The following NUP88 variants were observed in gnomAD, a reference collection of about 807,000 sequenced individuals.
NUP88 encodes the protein nucleoporin 88.
Under a neutral mutation model 93.9 loss-of-function variants are expected in NUP88, and 57 were observed. The ratio of observed to expected loss-of-function variants is 0.61; its 90% CI spans 0.49 to 0.76. The LOEUF is 0.76. Ranked by LOEUF, NUP88 falls within the 30% of genes least tolerant of loss-of-function variation. The probability of loss-of-function intolerance (pLI) is 0.00; values close to 1 mark genes in which losing one functional copy is unlikely to be tolerated. For missense variants in NUP88, 911 were observed against 901.0 expected (o/e 1.01, Z -0.14); for synonymous variants, 346 against 336.8 (o/e 1.03, Z -0.30).
chr17:5,416,180 T>TACACACACACAC (rs1555530301), intron 2 of NUP88, among the ~76,000 whole-genome samples: 20 of 107,338 alleles, frequency 1.9e-4, no homozygotes, highest in African/African-American at 7.2e-4. Context: ...TATATATATA[T>TACACACACACAC]ACACACATAC....
At chr17:5,388,088 C>G in intron 11 of NUP88, 184 bp from the exon 12 acceptor site, 1 of 474,582 alleles carries the variant, frequency 2.1e-6, no homozygotes, top group Non-Finnish European at 3.6e-6. Flanking sequence ...GCAACCTCCA[C>G]CTCCCAGGTT....
In NUP88 at chr17:5,391,695, G is replaced by A. The variant is rs1912447564; in HGVS notation, c.1383-33C>T. The A allele has an allele frequency of 2.6e-6, 4 of 1,555,380 alleles. No individual in the cohort carries two copies. The African/African-American group carries it at 5.4e-5, about 21-fold the overall frequency. ...AACACAGTCATAGTTAAATTACAAAGCAGCAAATGCAATGGAACCAAGAGC... is the reference window on the plus strand; with the variant it reads ...AACACAGTCATAGTTAAATTACAAAACAGCAAATGCAATGGAACCAAGAGC... On this transcript the variant is annotated intron_variant, in intron 9 of 16. Coordinates refer to ENST00000573584, the MANE Select transcript of NUP88 (RefSeq NM_002532.6).
Position 5,387,368 on chromosome 17 carries a change from G to T in NUP88, c.1916+18C>A. 4 of 1,601,902 alleles carry T rather than the reference G, an allele frequency of 2.5e-6. No individual in the cohort carries two copies. Among genetic ancestry groups the T allele is most frequent in the Non-Finnish European group, 2.6e-6 (3 of 1,169,168 alleles). On this transcript the variant is annotated intron_variant, in intron 14 of 16. Coordinates refer to ENST00000573584, the MANE Select transcript of NUP88 (RefSeq NM_002532.6). ...TTAGTACCTGACTAGGTAACTAAATGTTATACAGCCCACTGACCTGTTCAT... is the reference window on the plus strand; with the variant it reads ...TTAGTACCTGACTAGGTAACTAAATTTTATACAGCCCACTGACCTGTTCAT...
rs1163652958 is a variant in NUP88 at position 5,387,469 on chromosome 17, AATG to A, written c.1836-6_1836-4del. 2.5e-6 allele frequency: 4 copies of A among 1,614,016 alleles called. No homozygotes were observed. The highest frequency in any genetic ancestry group is 3.4e-6 in the Non-Finnish European group (4 of 1,179,886). On this transcript the variant is annotated splice_polypyrimidine_tract_variant and splice_region_variant and intron_variant, in intron 13 of 16. Transcript: ENST00000573584. ...CAGCCATTTCCCGCAGACTTTTCCT[AATG>A]ATGTAAGACACAAGAGACTCTTGAG...
At chr17:5,416,455 T>A in intron 2 of NUP88, 58 bp downstream of exon 2, 2 of 1,269,250 alleles carry the variant, frequency 1.6e-6, no homozygotes, top group Non-Finnish European at 2.2e-6. Context: ...GAACCACTAG[T>A]CTTGAACAAT....
intron 2 of NUP88, among the ~76,000 whole-genome samples, chr17:5,416,167 G>GTATATATATATA (rs377002927): frequency 2.1e-5 from 1 of 47,858 alleles, no homozygotes; most frequent in African/African-American, 8.4e-5. Context: ...AAAAAAAAAA[G>GTATATATATATA]TATATATATA....
chr17:5,390,624 G>A (rs1448397665), intron 10 of NUP88, among the ~76,000 whole-genome samples: 1 of 152,130 alleles, frequency 6.6e-6, no homozygotes, highest in Non-Finnish European at 1.5e-5. Flanking sequence ...ATCTTCCAGG[G>A]CTGTTGGAAA....
intron 7 of NUP88, among the ~76,000 whole-genome samples, chr17:5,402,419 G>GC (rs1206916256): frequency 6.6e-6 from 1 of 152,180 alleles, no homozygotes; most frequent in Non-Finnish European, 1.5e-5. Context: ...AAACCAATTA[G>GC]TTTATGTCAC....
At chr17:5,394,378 ATG>A (rs1170207277) in intron 9 of NUP88, among the ~76,000 whole-genome samples, 1 of 152,184 alleles carries the variant, frequency 6.6e-6, no homozygotes, top group Admixed American at 6.5e-5. Flanking sequence ...GCCAAGGAGA[ATG>A]TGTTTCAAAG....
intron 9 of NUP88, among the ~76,000 whole-genome samples, chr17:5,394,580 G>C (rs1006600802): frequency 6.6e-6 from 1 of 152,208 alleles, no homozygotes; most frequent in African/African-American, 2.4e-5. Flanking sequence ...GGGGAGTCAA[G>C]GGTGTTCTCT....
At chr17:5,398,557 C>T (rs1567569879) in intron 8 of NUP88, among the ~76,000 whole-genome samples, 1 of 151,460 alleles carries the variant, frequency 6.6e-6, no homozygotes. Flanking sequence ...TCCCAAAGTG[C>T]TGGGATTACA....
At chr17:5,389,488 G>A (rs1032040876) in intron 10 of NUP88, among the ~76,000 whole-genome samples, 2 of 152,078 alleles carry the variant, frequency 1.3e-5, no homozygotes, top group African/African-American at 4.8e-5. Flanking sequence ...ATTCTAACGT[G>A]AATGTTTGGT....
At position 5,387,394 on chromosome 17, in the gene NUP88, G is replaced by C; in HGVS notation, c.1908C>G (p.Ile636Met). 1 of 1,613,550 alleles carries C rather than the reference G, an allele frequency of 6.2e-7. No homozygotes were observed. The highest frequency in any genetic ancestry group is 8.5e-7 in the Non-Finnish European group (1 of 1,179,472). Reference sequence around the variant, plus strand: ...TTATACAGCCCACTGACCTGTTCATGATATCCTCTTGTTTTTCTTTAGCTT... The same window carrying C: ...TTATACAGCCCACTGACCTGTTCATCATATCCTCTTGTTTTTCTTTAGCTT... ...YEEAKEKQED[I>M]MNRMKKLLHS... is the part of the protein sequence containing the mutation. Residue 636 changes from isoleucine (I) to methionine (M), a missense_variant, in exon 14 of 17, where the codon ATC becomes ATG. Coordinates refer to ENST00000573584, the MANE Select transcript of NUP88 (RefSeq NM_002532.6).
intron 13 of NUP88, 46 bp from the exon 14 acceptor site, chr17:5,387,512 G>A: frequency 6.3e-7 from 1 of 1,599,928 alleles, no homozygotes; most frequent in Non-Finnish European, 8.6e-7. Context: ...ACCCCTTGAT[G>A]CTGAAACCAC....
intron 10 of NUP88, among the ~76,000 whole-genome samples, chr17:5,391,073 G>A (rs1912386132): frequency 6.6e-6 from 1 of 152,254 alleles, no homozygotes; most frequent in African/African-American, 2.4e-5. Context: ...CTGAGTCAAT[G>A]AGACCTGCAT....
chr17:5,413,089 T>C (rs890727928), intron 3 of NUP88, among the ~76,000 whole-genome samples: 9 of 152,258 alleles, frequency 5.9e-5, no homozygotes, highest in Non-Finnish European at 1.2e-4. Flanking sequence ...GCAATCTTCC[T>C]ACCTCAGTCT....
rs982211671 is a variant in NUP88, at chr17:5,387,214, C to T, written c.1917-104G>A. On this transcript the variant is annotated intron_variant, in intron 14 of 16. Coordinates refer to ENST00000573584, the MANE Select transcript of NUP88 (RefSeq NM_002532.6). The stretch of plus-strand genomic sequence containing the variant: ...TGAATCTGGTGTTTCTGAAGTAGGC[C>T]CCATAGGAAGGGTTAGGGGAGAGCC... 5.7e-6 allele frequency: 8 copies of T among 1,399,412 alleles called. No homozygotes were observed. In the African/African-American group the frequency reaches 1.1e-4, roughly 20 times the overall value. The allele number at this position is 1,399,412 out of a possible 1,614,324, so 86.7% of individuals were successfully genotyped here.
chr17:5,387,925 CT>C, intron 11 of NUP88, 21 bp from the exon 12 acceptor site: 1 of 1,603,480 alleles, frequency 6.2e-7, no homozygotes. Flanking sequence ...AAGTTTCTAC[CT>C]TTATTTTCCT....
chr17:5,416,469 C>A, intron 2 of NUP88, 44 bp downstream of exon 2: 2 of 1,383,360 alleles, frequency 1.4e-6, no homozygotes, highest in Admixed American at 4.6e-5. Context: ...GAACAATTTT[C>A]TGTATATATA....
Sources: gnomAD v4.1 joint callset for allele counts (sites outside exome capture counted in the v4.1 genomes callset) on GRCh38, gnomAD v4.1.1 for gene constraint, MANE v1.5 for transcripts, NCBI Gene and HGNC (gene_info 2026-07-23, HGNC 2026-07-21) for gene names.